ZNF385D: variants seen among roughly 807,000 people sequenced by gnomAD.
ZNF385D encodes the protein zinc finger protein 385D.
In ZNF385D, 15 loss-of-function variants were observed where a neutral mutation model predicts 35.8. The ratio of observed to expected loss-of-function variants is 0.42; its 90% CI spans 0.28 to 0.64. ZNF385D has a LOEUF of 0.64. Among genes scored for constraint, ZNF385D ranks in the 30% least tolerant of loss-of-function variants. ZNF385D has a pLI of 0.23. For missense variants in ZNF385D, 474 were observed against 494.6 expected (o/e 0.96, Z 0.39); for synonymous variants, 212 against 186.8 (o/e 1.13, Z -1.10).
chr3:21,603,660 C>CTT (rs2064387540), intron 2 of ZNF385D, among the ~76,000 whole-genome samples: 1 of 141,970 alleles, frequency 7.0e-6, no homozygotes, highest in Admixed American at 6.8e-5. Flanking sequence ...ATTTGTATGC[C>CTT]CTTATATACA....
chr3:22,057,512 TA>T (rs1278220904), intron 3 of ZNF385D, among the ~76,000 whole-genome samples: 23 of 124,650 alleles, frequency 1.8e-4, no homozygotes, highest in African/African-American at 6.2e-4. Flanking sequence ...TCTTTTAAAG[TA>T]TTTTTTTTTT....
intron 3 of ZNF385D, among the ~76,000 whole-genome samples, chr3:22,167,938 G>A (rs1364519163): frequency 1.3e-5 from 2 of 152,076 alleles, no homozygotes; most frequent in Non-Finnish European, 2.9e-5. Flanking sequence ...CAATGCAGAA[G>A]CAATTTCTAC....
intron 2 of ZNF385D, among the ~76,000 whole-genome samples, chr3:22,268,699 T>C (rs1395256442): frequency 6.6e-6 from 1 of 152,056 alleles, no homozygotes; most frequent in African/African-American, 2.4e-5. Context: ...TATAACTTAA[T>C]CTATCAAAAA....
intron 3 of ZNF385D, among the ~76,000 whole-genome samples, chr3:21,773,908 C>T (rs1336717364): frequency 6.6e-6 from 1 of 151,980 alleles, no homozygotes; most frequent in Non-Finnish European, 1.5e-5. Context: ...ACCCAGCAAT[C>T]ACATTACTGG....
chr3:22,329,412 A>ATTGG (rs1410116506), intron 2 of ZNF385D, among the ~76,000 whole-genome samples: 6 of 152,200 alleles, frequency 3.9e-5, no homozygotes, highest in African/African-American at 1.4e-4. Context: ...TAGGTCACCT[A>ATTGG]TTGGTGCAGA....
At chr3:22,088,963 C>G (rs191953739) in intron 3 of ZNF385D, among the ~76,000 whole-genome samples, 21 of 152,206 alleles carry the variant, frequency 1.4e-4, no homozygotes, top group Non-Finnish European at 7.4e-5. Flanking sequence ...TTAAAGAACA[C>G]TCTTAAAAGA....
At chr3:22,004,695 C>T (rs1440699997) in intron 3 of ZNF385D, among the ~76,000 whole-genome samples, 1 of 152,150 alleles carries the variant, frequency 6.6e-6, no homozygotes, top group Non-Finnish European at 1.5e-5. Flanking sequence ...TCAAAGTCAT[C>T]CTTCTGCTCA....
At chr3:21,647,090 C>T (rs1428656123) in intron 2 of ZNF385D, among the ~76,000 whole-genome samples, 2 of 152,162 alleles carry the variant, frequency 1.3e-5, no homozygotes, top group Non-Finnish European at 1.5e-5. Flanking sequence ...TATTTACAGA[C>T]AATCCAAATG....
intron 4 of ZNF385D, among the ~76,000 whole-genome samples, chr3:21,444,238 C>A (rs566685176): frequency 1.9e-4 from 29 of 151,648 alleles, no homozygotes; most frequent in Non-Finnish European, 4.0e-4. Context: ...CACCACCACG[C>A]CCGGCTAATT....
intron 7 of ZNF385D, among the ~76,000 whole-genome samples, chr3:21,422,758 T>G (rs1478447882): frequency 6.6e-6 from 1 of 152,208 alleles, no homozygotes; most frequent in African/African-American, 2.4e-5. Flanking sequence ...TCTCAATGGA[T>G]GCAGAAAAGG....
chr3:21,812,236 A>C (rs1447807590), intron 3 of ZNF385D, among the ~76,000 whole-genome samples: 2 of 152,242 alleles, frequency 1.3e-5, no homozygotes, highest in Non-Finnish European at 2.9e-5. Context: ...ATCCGGTTCC[A>C]AGATGGTCGA....
At chr3:22,336,600 A>G (rs2125469905) in intron 2 of ZNF385D, among the ~76,000 whole-genome samples, 1 of 152,208 alleles carries the variant, frequency 6.6e-6, no homozygotes, top group South Asian at 2.1e-4. Flanking sequence ...TCCACAACAC[A>G]TCATCAAGTA....
intron 2 of ZNF385D, among the ~76,000 whole-genome samples, chr3:21,602,419 T>C (rs955027957): frequency 4.6e-5 from 7 of 151,806 alleles, no homozygotes; most frequent in African/African-American, 1.7e-4. Context: ...ATAGAACTCT[T>C]ATTTTACGGG....
intron 3 of ZNF385D, among the ~76,000 whole-genome samples, chr3:21,996,351 C>T (rs1023869943): frequency 6.6e-5 from 10 of 152,110 alleles, no homozygotes; most frequent in Non-Finnish European, 8.8e-5. Context: ...TCCAAGTGAC[C>T]GTGACCAGGA....
At position 21,418,813 on chromosome 3, in the gene ZNF385D, C is replaced by A. The variant is rs1033690057; in HGVS notation, c.*2401G>T. 3.3e-5 allele frequency: 5 copies of A among 152,090 alleles called. No homozygotes were observed. Among genetic ancestry groups the A allele is most frequent in the African/African-American group, 1.2e-4 (5 of 41,430 alleles). The allele number at this position is 152,090 out of a possible 1,614,324, so 9.4% of individuals were successfully genotyped here. The stretch of plus-strand genomic sequence containing the variant: ...TTGTAAAGGTTGTTGGATAGGGACT[C>A]AGGATGATTATGGAAAATCAAAATA... On this transcript the variant is annotated 3_prime_UTR_variant, in exon 8 of 8. Coordinates refer to ENST00000281523, the MANE Select transcript of ZNF385D (RefSeq NM_024697.3).
intron 2 of ZNF385D, among the ~76,000 whole-genome samples, chr3:22,299,376 T>C (rs1702773435): frequency 6.6e-6 from 1 of 151,850 alleles, no homozygotes; most frequent in South Asian, 2.1e-4. Flanking sequence ...ACTTGCATGC[T>C]GAATATTTTT....
At chr3:21,894,829 A>G (rs1044051712) in intron 3 of ZNF385D, among the ~76,000 whole-genome samples, 1 of 152,128 alleles carries the variant, frequency 6.6e-6, no homozygotes, top group Non-Finnish European at 1.5e-5. Flanking sequence ...CTTTCAGAAG[A>G]AACGTAGAGC....
intron 4 of ZNF385D, among the ~76,000 whole-genome samples, chr3:21,461,708 G>A (rs769763239): frequency 5.3e-5 from 8 of 152,148 alleles, no homozygotes; most frequent in Middle Eastern, 3.2e-3. Flanking sequence ...TCAAATTTGC[G>A]CAGCAACTAA....
intron 3 of ZNF385D, among the ~76,000 whole-genome samples, chr3:21,769,251 A>G (rs6784828): frequency 0.57 from 85,103 of 150,178 alleles, 24,854 homozygotes; most frequent in East Asian, 0.78. Flanking sequence ...AGGCAGGAGA[A>G]AGAAATAAAG....
Sources: allele counts gnomAD v4.1 joint callset (sites outside exome capture counted in the v4.1 genomes callset), GRCh38; gene constraint gnomAD v4.1.1; transcripts MANE v1.5; gene names NCBI Gene and HGNC (gene_info 2026-07-23, HGNC 2026-07-21).